The following CCDC192 variants were observed in gnomAD, a reference collection of about 807,000 sequenced individuals.
The protein encoded by CCDC192 is coiled-coil domain-containing protein 192.
intron 6 of CCDC192, among the ~76,000 whole-genome samples, chr5:127,877,513 C>CGA (rs1359621073): frequency 2.6e-5 from 4 of 152,146 alleles, no homozygotes; most frequent in African/African-American, 9.7e-5. Context: ...GGTGGGGAAA[C>CGA]TAAGTCAGTC....
At chr5:127,761,418 C>G (rs1352395980) in intron 3 of CCDC192, among the ~76,000 whole-genome samples, 2 of 152,156 alleles carry the variant, frequency 1.3e-5, no homozygotes, top group Non-Finnish European at 2.9e-5. Context: ...CTGGGCCACA[C>G]TAAAGGGTAT....
chr5:127,719,454 T>C (rs1751835282), intron 2 of CCDC192, among the ~76,000 whole-genome samples: 1 of 99,746 alleles, frequency 1.0e-5, no homozygotes, highest in African/African-American at 4.3e-5. Flanking sequence ...TATATATACA[T>C]ACATATATAT....
chr5:127,732,264 A>G (rs1352969666), intron 2 of CCDC192, among the ~76,000 whole-genome samples: 1 of 152,262 alleles, frequency 6.6e-6, no homozygotes, highest in Non-Finnish European at 1.5e-5. Flanking sequence ...ACTGATCATT[A>G]GAGAAATGCA....
At chr5:127,733,974 G>C (rs1239611562) in intron 2 of CCDC192, among the ~76,000 whole-genome samples, 1 of 148,372 alleles carries the variant, frequency 6.7e-6, no homozygotes, top group African/African-American at 2.5e-5. Flanking sequence ...TGTGCACATT[G>C]TGCAGGTTAG....
chr5:127,922,416 C>T lies in CCDC192; in HGVS notation c.536-18766C>T, dbSNP rs138193593. On this transcript the variant is annotated intron_variant, in intron 6 of 6. Coordinates refer to ENST00000514853, the MANE Select transcript of CCDC192 (RefSeq NM_001317938.2). ...ATTTCCTTTCATTTCTGTTATAAAT[C>T]GCAATGCTTAAGTACATTGCAATGT... is the stretch of plus-strand genomic sequence containing the variant. 2.0e-3 allele frequency among the ~76,000 whole-genome samples: 311 copies of T among 152,176 alleles called. 4 individuals carry two copies. The highest frequency in any genetic ancestry group is 0.019 in the Admixed American group (287 of 15,268).
chr5:127,857,106 A>T (rs944946634), intron 5 of CCDC192, among the ~76,000 whole-genome samples: 1 of 152,182 alleles, frequency 6.6e-6, no homozygotes, highest in Non-Finnish European at 1.5e-5. Flanking sequence ...TCTCATGGAA[A>T]TCTCAAAAGC....
intron 2 of CCDC192, among the ~76,000 whole-genome samples, chr5:127,709,476 T>A (rs762015700): frequency 3.3e-5 from 5 of 152,176 alleles, no homozygotes; most frequent in African/African-American, 4.8e-5. Context: ...AATAATTGAT[T>A]CTTTTGTGAG....
intron 6 of CCDC192, among the ~76,000 whole-genome samples, chr5:127,926,682 T>C (rs1053329052): frequency 1.3e-5 from 2 of 152,202 alleles, no homozygotes; most frequent in Non-Finnish European, 2.9e-5. Flanking sequence ...TGGCATATTA[T>C]ATCTGAGGTG....
At chr5:127,872,043 CA>C (rs1751885906) in intron 5 of CCDC192, among the ~76,000 whole-genome samples, 1 of 152,092 alleles carries the variant, frequency 6.6e-6, no homozygotes, top group Admixed American at 6.6e-5. Flanking sequence ...TTGCTGAAAT[CA>C]TTTGATGTCT....
intron 5 of CCDC192, among the ~76,000 whole-genome samples, chr5:127,851,383 A>G (rs1053045732): frequency 3.3e-5 from 5 of 152,108 alleles, no homozygotes; most frequent in Admixed American, 1.3e-4. Flanking sequence ...TGGAATATCA[A>G]CTATTTATGA....
At chr5:127,855,095 G>T (rs1751005841) in intron 5 of CCDC192, among the ~76,000 whole-genome samples, 1 of 152,142 alleles carries the variant, frequency 6.6e-6, no homozygotes, top group Non-Finnish European at 1.5e-5. Flanking sequence ...GCTGCTGATT[G>T]GTCAGGGTGG....
At chr5:127,726,487 C>T (rs1299539578) in intron 2 of CCDC192, among the ~76,000 whole-genome samples, 6 of 152,322 alleles carry the variant, frequency 3.9e-5, no homozygotes, top group African/African-American at 1.4e-4. Flanking sequence ...CTCTTCATCT[C>T]AAAAGCCCCA....
intron 2 of CCDC192, among the ~76,000 whole-genome samples, chr5:127,752,377 A>C (rs968154964): frequency 1.1e-4 from 16 of 152,036 alleles, no homozygotes; most frequent in African/African-American, 3.6e-4. Flanking sequence ...CTGCCGTGTG[A>C]GGTGTCAGTG....
chr5:127,797,156 G>A lies in CCDC192; in HGVS notation c.276G>A (p.Leu92=), dbSNP rs992302749. 2 of 398,290 alleles carry A rather than the reference G, an allele frequency of 5.0e-6. No individual in the cohort carries two copies. Among genetic ancestry groups the A allele is most frequent in the African/African-American group, 4.1e-5 (2 of 48,580 alleles). The allele number at this position is 398,290 out of a possible 1,614,324, so 24.7% of individuals were successfully genotyped here. The change falls in exon 4 of 7, where the codon CTG becomes CTA. Residue 92 remains leucine (L), a synonymous_variant. Transcript: ENST00000514853. ...AACTGCTTGAACAAGTATCCCGGCTGGAGGAAAAACTGGAGGCTGTGGACC... is the reference window on the plus strand; with the variant it reads ...AACTGCTTGAACAAGTATCCCGGCTAGAGGAAAAACTGGAGGCTGTGGACC... ...KSKLLEQVSR[L]EEKLEAVDHK...
intron 2 of CCDC192, among the ~76,000 whole-genome samples, chr5:127,742,465 T>G (rs878909268): frequency 6.6e-6 from 1 of 152,202 alleles, no homozygotes; most frequent in East Asian, 1.9e-4. Flanking sequence ...CTAAGGCAGA[T>G]AAGTTGATAT....
intron 5 of CCDC192, among the ~76,000 whole-genome samples, chr5:127,864,104 A>G (rs750642941): frequency 7.9e-5 from 12 of 152,274 alleles, no homozygotes; most frequent in Non-Finnish European, 1.6e-4. Context: ...CGCTCCCACT[A>G]TTACAAAGGA....
intron 5 of CCDC192, among the ~76,000 whole-genome samples, chr5:127,840,799 A>G (rs1316351572): frequency 6.6e-6 from 1 of 152,210 alleles, no homozygotes; most frequent in Non-Finnish European, 1.5e-5. Flanking sequence ...GTTTCATCAT[A>G]TTGCTCACTT....
chr5:127,797,964 C>T, intron 4 of CCDC192, 142 bp from the exon 5 acceptor site: 1 of 388,592 alleles, frequency 2.6e-6, no homozygotes, highest in Non-Finnish European at 4.6e-6. Context: ...GATGATTTCT[C>T]CAATGATGGT....
intron 3 of CCDC192, among the ~76,000 whole-genome samples, chr5:127,761,883 G>C (rs1754952381): frequency 6.6e-6 from 1 of 152,062 alleles, no homozygotes; most frequent in Non-Finnish European, 1.5e-5. Context: ...TATGCCTAAG[G>C]CCCTAACAAA....
Sources: allele counts gnomAD v4.1 joint callset (sites outside exome capture counted in the v4.1 genomes callset), GRCh38; gene constraint gnomAD v4.1.1; transcripts MANE v1.5; gene names NCBI Gene and HGNC (gene_info 2026-07-23, HGNC 2026-07-21).